PDE1C: variants seen among roughly 807,000 people sequenced by gnomAD.
PDE1C encodes phosphodiesterase 1C.
PDE1C carries 62 observed loss-of-function variants against 93.1 expected under a neutral mutation model. That is an observed-to-expected ratio of 0.67 (90% confidence interval 0.54 to 0.82). PDE1C has a LOEUF of 0.82. Ranked by LOEUF, PDE1C falls within the 40% of genes least tolerant of loss-of-function variation. PDE1C has a pLI of 0.00. For missense variants in PDE1C, 742 were observed against 884.6 expected (o/e 0.84, Z 2.04); for synonymous variants, 325 against 310.1 (o/e 1.05, Z -0.50).
chr7:31,786,303 G>GC (rs1783932468), intron 16 of PDE1C: 1 of 147,790 alleles, frequency 6.8e-6, no homozygotes, highest in Non-Finnish European at 1.5e-5. Flanking sequence ...GTATTGTTCT[G>GC]TTTTTTTCTT....
chr7:31,970,365 A>T (rs1364984029), intron 2 of PDE1C, among the ~76,000 whole-genome samples: 1 of 152,218 alleles, frequency 6.6e-6, no homozygotes, highest in Non-Finnish European at 1.5e-5. Flanking sequence ...TCAAATAGTG[A>T]AAACAACCAA....
At chr7:31,982,159 G>A (rs187990314) in intron 2 of PDE1C, among the ~76,000 whole-genome samples, 3 of 152,290 alleles carry the variant, frequency 2.0e-5, no homozygotes, top group East Asian at 1.9e-4. Context: ...AGTCAACAGC[G>A]ACCCAGGAAT....
At chr7:31,690,062 T>G in the PDE1C span, among the ~76,000 whole-genome samples, 1 of 152,232 alleles carries the variant, frequency 6.6e-6, no homozygotes, top group Non-Finnish European at 1.5e-5. Context: ...TCTGACATGT[T>G]TGATTATTCA....
chr7:31,979,630 G>A (rs1344379067), intron 2 of PDE1C, among the ~76,000 whole-genome samples: 2 of 152,168 alleles, frequency 1.3e-5, no homozygotes, highest in Non-Finnish European at 2.9e-5. Flanking sequence ...ACATATGTAA[G>A]CACTATACTA....
At chr7:31,659,305 T>C in the PDE1C span, among the ~76,000 whole-genome samples, 1 of 152,248 alleles carries the variant, frequency 6.6e-6, no homozygotes, top group African/African-American at 2.4e-5. Context: ...CATGCTGTGC[T>C]GAAAGCTGTT....
intron 2 of PDE1C, among the ~76,000 whole-genome samples, chr7:32,173,186 T>C (rs1802765930): frequency 6.6e-6 from 1 of 152,072 alleles, no homozygotes; most frequent in Non-Finnish European, 1.5e-5. Flanking sequence ...GCCATAAAAA[T>C]GAGAATGAGG....
chr7:31,773,396 G>T (rs1584012903), intron 17 of PDE1C, among the ~76,000 whole-genome samples: 2 of 152,202 alleles, frequency 1.3e-5, no homozygotes, highest in East Asian at 3.9e-4. Flanking sequence ...TCCCAGGACA[G>T]CTCTGCATAT....
the PDE1C span, among the ~76,000 whole-genome samples, chr7:31,738,754 G>C: frequency 6.6e-6 from 1 of 152,186 alleles, no homozygotes; most frequent in African/African-American, 2.4e-5. Context: ...GGAAGACCTG[G>C]GTTGGAACAG....
intron 3 of PDE1C, among the ~76,000 whole-genome samples, chr7:32,089,965 G>A (rs1797374579): frequency 6.6e-6 from 1 of 152,170 alleles, no homozygotes; most frequent in Admixed American, 6.5e-5. Context: ...GACAAAAATA[G>A]TTTCTTGGTA....
At chr7:31,768,864 C>T (rs1206936670) in intron 17 of PDE1C, among the ~76,000 whole-genome samples, 1 of 152,030 alleles carries the variant, frequency 6.6e-6, no homozygotes, top group Non-Finnish European at 1.5e-5. Flanking sequence ...GGTACAATCT[C>T]AGCTCACTCC....
intron 1 of PDE1C, among the ~76,000 whole-genome samples, chr7:32,390,229 A>C (rs1784724061): frequency 6.6e-6 from 1 of 152,294 alleles, no homozygotes; most frequent in Admixed American, 6.5e-5. Flanking sequence ...GAATGGAGCT[A>C]TATTTGAGAA....
upstream of PDE1C, among the ~76,000 whole-genome samples, chr7:32,074,408 A>C (rs73098674): frequency 0.052 from 7,898 of 152,294 alleles, 291 homozygotes; most frequent in Non-Finnish European, 0.079. Context: ...TCCCCAACAA[A>C]ATACTTTAGC....
At chr7:32,087,223 T>C (rs1797148537) in intron 3 of PDE1C, among the ~76,000 whole-genome samples, 1 of 148,956 alleles carries the variant, frequency 6.7e-6, no homozygotes, top group Admixed American at 6.7e-5. Context: ...AAGAAGACAT[T>C]TATGCAGCCA....
At chr7:31,858,172 AC>A (rs572190094) in intron 7 of PDE1C, among the ~76,000 whole-genome samples, 241 of 152,266 alleles carry the variant, frequency 1.6e-3, no homozygotes, top group Non-Finnish European at 3.0e-3. Context: ...TAAATAAATA[AC>A]AGAGAGTGTT....
intron 9 of PDE1C, among the ~76,000 whole-genome samples, chr7:31,839,171 CACATACATATACGTATGTATACAT>C (rs1005923096): frequency 6.8e-6 from 1 of 148,066 alleles, no homozygotes; most frequent in African/African-American, 2.5e-5. Flanking sequence ...TATGTATACA[CACATACATATACGTATGTATACAT>C]ACATACATAC....
At chr7:31,697,212 C>A in the PDE1C span, 1 of 1,464,168 alleles carries the variant, frequency 6.8e-7, no homozygotes, top group Non-Finnish European at 9.2e-7. Flanking sequence ...CGTTGTCCTG[C>A]CCCAGCAAGC....
chr7:32,219,776 C>T (rs1202898381), intron 1 of PDE1C, among the ~76,000 whole-genome samples: 3 of 152,334 alleles, frequency 2.0e-5, no homozygotes, highest in African/African-American at 7.2e-5. Flanking sequence ...TAGCAGTTAA[C>T]ATGAATCAAA....
At chr7:31,944,833 T>A (rs535121684) in intron 2 of PDE1C, among the ~76,000 whole-genome samples, 1 of 152,240 alleles carries the variant, frequency 6.6e-6, no homozygotes, top group South Asian at 2.1e-4. Flanking sequence ...GATTAAATAA[T>A]CACCATCATC....
chr7:31,825,242 A>G (rs1415962135), intron 12 of PDE1C, among the ~76,000 whole-genome samples: 3 of 152,194 alleles, frequency 2.0e-5, no homozygotes, highest in Admixed American at 2.0e-4. Context: ...TAGAACAAGC[A>G]CTGTGATAAG....
Sources: gnomAD v4.1 joint callset for allele counts (sites outside exome capture counted in the v4.1 genomes callset) on GRCh38, gnomAD v4.1.1 for gene constraint, MANE v1.5 for transcripts, NCBI Gene and HGNC (gene_info 2026-07-23, HGNC 2026-07-21) for gene names.